Variants in CRYBG3 observed in about 807,000 individuals in gnomAD.
CRYBG3 encodes very large A-kinase anchor protein.
A neutral mutation model predicts 244.2 loss-of-function variants in CRYBG3; 127 were observed. That is an observed-to-expected ratio of 0.52 (90% confidence interval 0.45 to 0.60). CRYBG3 has a LOEUF of 0.60. CRYBG3 is among the 20% of genes least tolerant of loss of function. The pLI, the probability that CRYBG3 is intolerant of heterozygous loss-of-function variation, is 0.00. For synonymous variants in CRYBG3, 1,132 were observed against 1,195.8 expected (o/e 0.95, Z 1.10); for missense variants, 3,325 against 3,442.5 (o/e 0.97, Z 0.85).
intron 2 of CRYBG3, among the ~76,000 whole-genome samples, chr3:97,857,715 T>C (rs1271895698): frequency 6.6e-6 from 1 of 152,146 alleles, no homozygotes; most frequent in Non-Finnish European, 1.5e-5. Context: ...TGTCTCTATA[T>C]GTGAAGTGAG....
Position 97,898,974 on chromosome 3 carries a change from A to T in CRYBG3, c.7793A>T (p.Glu2598Val). The change falls in exon 13 of 22, where the codon GAA becomes GTA. Residue 2598 changes from glutamate (E) to valine (V), a missense_variant. Physicochemically the swap from Glu to Val is moderately radical, Grantham distance 121 (BLOSUM62 -2). Transcript: ENST00000389622. ...ACAAATCAGGAAATTTCTGATTTGGAAGAAATTGGCTTTGGCAGTAAAACA... is the reference window on the plus strand; with the variant it reads ...ACAAATCAGGAAATTTCTGATTTGGTAGAAATTGGCTTTGGCAGTAAAACA... ...DITNQEISDL[E>V]EIGFGSKTRS... 6.2e-7 allele frequency: 1 copy of T among 1,613,314 alleles called. No homozygotes were observed. The highest frequency in any genetic ancestry group is 1.3e-5 in the African/African-American group (1 of 75,052).
chr3:97,874,361 G>A lies in CRYBG3; in HGVS notation c.3167G>A (p.Gly1056Asp), dbSNP rs1017302577. Residue 1056 changes from glycine to aspartate, a missense_variant, in exon 4 of 22, where the codon GGT (glycine) becomes GAT (aspartate). Coordinates refer to ENST00000389622, the MANE Select transcript of CRYBG3 (RefSeq NM_153605.4). ...GAGAACATCCATTTTTTAAATGGTG[G>A]TATTGATAGTGTGTCATCTTCCTCT... is the stretch of plus-strand genomic sequence containing the variant. The part of the protein sequence containing the change: ...KKENIHFLNG[G>D]IDSVSSSSSY... 4.6e-6 allele frequency: 7 copies of A among 1,528,094 alleles called. No homozygotes were observed. In the African/African-American group the frequency reaches 9.7e-5, roughly 21 times the overall value. The allele number at this position is 1,528,094 out of a possible 1,614,324, so 94.7% of individuals were successfully genotyped here.
chr3:97,870,932 C>T (rs1209565310), intron 3 of CRYBG3, among the ~76,000 whole-genome samples: 1 of 152,150 alleles, frequency 6.6e-6, no homozygotes, highest in East Asian at 1.9e-4. Flanking sequence ...ACCCAGAGAT[C>T]AAAGACTAAC....
At chr3:97,822,464 C>A in intron 1 of CRYBG3, 109 bp downstream of exon 1, 1 of 1,073,722 alleles carries the variant, frequency 9.3e-7, no homozygotes, top group Non-Finnish European at 1.3e-6. Flanking sequence ...CTGCAGTTCG[C>A]TCGCCACTTT....
intron 15 of CRYBG3, among the ~76,000 whole-genome samples, chr3:97,908,063 G>C (rs965338991): frequency 1.3e-5 from 2 of 152,200 alleles, no homozygotes; most frequent in Non-Finnish European, 2.9e-5. Flanking sequence ...GGTTTTGAGT[G>C]AGATTCCTAA....
chr3:97,825,138 C>T (rs1190702184), intron 1 of CRYBG3, among the ~76,000 whole-genome samples: 1 of 152,026 alleles, frequency 6.6e-6, no homozygotes. Flanking sequence ...GTGAAAGGAG[C>T]AGTAAGAAAT....
Position 97,943,359 on chromosome 3 carries a change from G to A in CRYBG3, c.*45G>A, listed in dbSNP as rs1345073484. 9.2e-7 allele frequency: 1 copy of A among 1,082,046 alleles called. No homozygotes were observed. The highest frequency in any genetic ancestry group is 1.3e-5 in the South Asian group (1 of 76,986). 67.0% of individuals were successfully genotyped at this position (1,082,046 alleles called of 1,614,324 possible). ...AAGATCCCTAGAAAGAGCAAAGAAGGAAACACATCTGTCATTGTCTTGTGG... is the reference window on the plus strand; with the variant it reads ...AAGATCCCTAGAAAGAGCAAAGAAGAAAACACATCTGTCATTGTCTTGTGG... On this transcript the variant is annotated 3_prime_UTR_variant, in exon 22 of 22. Coordinates refer to ENST00000389622, the MANE Select transcript of CRYBG3 (RefSeq NM_153605.4).
At chr3:97,871,763 A>G in intron 3 of CRYBG3, 79 bp from the exon 4 acceptor site, 1 of 1,018,192 alleles carries the variant, frequency 9.8e-7, no homozygotes. Flanking sequence ...TAAAAGATGT[A>G]CTTTTACCAC....
chr3:97,876,576 G>C lies in CRYBG3; in HGVS notation c.5382G>C (p.Glu1794Asp), dbSNP rs2039375389. The C allele has an allele frequency of 8.1e-7, 1 of 1,232,496 alleles. No homozygotes were observed. Among genetic ancestry groups the C allele is most frequent in the East Asian group, 3.2e-5 (1 of 31,706 alleles). The allele number at this position is 1,232,496 out of a possible 1,614,324, so 76.3% of individuals were successfully genotyped here. A position where few individuals can be genotyped will look rare whatever the true frequency, so the allele number is the denominator to read the frequency against. ...MEATYRKTAE[E>D]VIKNTEIVPC... ...CTACTTACCGAAAGACTGCTGAAGAGGTCATTAAGAATACTGAAATAGTAC... is the reference window on the plus strand; with the variant it reads ...CTACTTACCGAAAGACTGCTGAAGACGTCATTAAGAATACTGAAATAGTAC... The change falls in exon 4 of 22, where the codon GAG (glutamate) becomes GAC (aspartate). Residue 1794 changes from glutamate to aspartate, a missense_variant. This residue lies in a region of CRYBG3 where 635 missense variants were observed against 771.7 expected (regional missense o/e 0.82). Transcript: ENST00000389622.
At position 97,942,448 on chromosome 3, in the gene CRYBG3, G is replaced by C; in HGVS notation, c.8824+5G>C. Reference sequence around the variant, plus strand: ...AACTTGTCCTTGATGTTAAAGGTGGGCCTTTGATGATACCCAATGTTGTGT... The same window carrying C: ...AACTTGTCCTTGATGTTAAAGGTGGCCCTTTGATGATACCCAATGTTGTGT... On this transcript the variant is annotated splice_donor_5th_base_variant and intron_variant, in intron 21 of 21. Transcript: ENST00000389622. 6.2e-7 allele frequency: 1 copy of C among 1,604,696 alleles called. No individual in the cohort carries two copies. Among genetic ancestry groups the C allele is most frequent in the Non-Finnish European group, 8.5e-7 (1 of 1,174,668 alleles).
Position 97,822,373 on chromosome 3 carries a change from G to T in CRYBG3, c.149+18G>T. On this transcript the variant is annotated intron_variant, in intron 1 of 21. Transcript: ENST00000389622. Reference sequence around the variant, plus strand: ...GCTGCCAGGTGGGAGTCGAGGAGGGGGTCGCGGGGGGGCCCTGCACATATT... The same window carrying T: ...GCTGCCAGGTGGGAGTCGAGGAGGGTGTCGCGGGGGGGCCCTGCACATATT... 1 of 1,491,360 alleles carries T rather than the reference G, an allele frequency of 6.7e-7. No homozygotes were observed. The highest frequency in any genetic ancestry group is 8.9e-7 in the Non-Finnish European group (1 of 1,123,778). 92.4% of individuals were successfully genotyped at this position (1,491,360 alleles called of 1,614,324 possible).
rs2040125475 is a variant in CRYBG3, at chr3:97,933,792, C to T, written c.8340C>T (p.Asp2780=). Residue 2780 remains aspartate, a synonymous_variant, in exon 18 of 22, where the codon GAC becomes GAT. Transcript: ENST00000389622. ...EEAVNSVLNK[D]LHFYTQSVWV... ...CTGTGAACTCTGTTCTGAACAAGGA[C>T]CTACACTTCTACACCCAGTCTGTGT... 2 of 1,612,620 alleles carry T rather than the reference C, an allele frequency of 1.2e-6. No individual in the cohort carries two copies. The highest frequency in any genetic ancestry group is 2.7e-5 in the African/African-American group (2 of 74,788).
intron 2 of CRYBG3, 75 bp downstream of exon 2, chr3:97,843,336 A>T (rs1335646268): frequency 7.5e-6 from 6 of 797,746 alleles, no homozygotes; most frequent in Non-Finnish European, 7.9e-6. Flanking sequence ...AGATTCTGTC[A>T]TCTTATTTTA....
intron 18 of CRYBG3, among the ~76,000 whole-genome samples, chr3:97,935,734 G>A (rs1011654650): frequency 6.6e-6 from 1 of 152,062 alleles, no homozygotes; most frequent in African/African-American, 2.4e-5. Flanking sequence ...TCTGTAGCTT[G>A]TGTCCTAAGC....
Position 97,943,250 on chromosome 3 carries a change from ATGTAAT to A in CRYBG3, c.8855_8860del (p.Ile2952_Val2953del). ...GGAGGAAATTATTGTGACAAGACTC[ATGTAAT>A]TGTAAATCAGCCCCTGGAGGGAGAA... On this transcript the variant is annotated inframe_deletion, in exon 22 of 22. Transcript: ENST00000389622. 6.3e-7 allele frequency: 1 copy of A among 1,586,842 alleles called. No homozygotes were observed.
chr3:97,833,585 G>A (rs1007385276), intron 1 of CRYBG3, among the ~76,000 whole-genome samples: 9 of 152,012 alleles, frequency 5.9e-5, no homozygotes, highest in Non-Finnish European at 1.3e-4. Context: ...GGGTGTCTAG[G>A]GGAGGGATAG....
chr3:97,873,400 C>T lies in CRYBG3; in HGVS notation c.2206C>T (p.Leu736Phe). The T allele has an allele frequency of 1.3e-6, 2 of 1,535,686 alleles. No homozygotes were observed. Reference protein sequence around the residue: ...TSAIFEFKEVLSNSEKCQVLP... With the variant: ...TSAIFEFKEVFSNSEKCQVLP... ...TGCAATTTTTGAATTCAAAGAAGTT[C>T]TTTCTAATAGTGAAAAATGCCAGGT... Residue 736 changes from leucine (L) to phenylalanine (F), a missense_variant, in exon 4 of 22, where the codon CTT becomes TTT. By Grantham distance (22) the Leu-to-Phe change is conservative (BLOSUM62 0). Transcript: ENST00000389622.
At chr3:97,837,465 C>G (rs1214447935) in intron 1 of CRYBG3, among the ~76,000 whole-genome samples, 1 of 152,046 alleles carries the variant, frequency 6.6e-6, no homozygotes, top group Non-Finnish European at 1.5e-5. Flanking sequence ...GATTCTTTTT[C>G]CCTGTTCTCA....
At chr3:97,827,067 G>A (rs2038587531) in intron 1 of CRYBG3, among the ~76,000 whole-genome samples, 1 of 152,212 alleles carries the variant, frequency 6.6e-6, no homozygotes, top group Non-Finnish European at 1.5e-5. Context: ...TGGAAATGCT[G>A]CCCCTTGGTT....
Sources: gnomAD v4.1 joint callset for allele counts (sites outside exome capture counted in the v4.1 genomes callset) on GRCh38, gnomAD v4.1.1 for gene constraint, gnomAD v4.1.1 regional missense constraint, MANE v1.5 for transcripts, NCBI Gene and HGNC (gene_info 2026-07-23, HGNC 2026-07-21) for gene names.